The following TRPV5 variants were observed in gnomAD, a reference collection of about 807,000 sequenced individuals.
The protein encoded by TRPV5 is calcium transport protein 2.
TRPV5 carries 66 observed loss-of-function variants against 74.1 expected under a neutral mutation model. That is an observed-to-expected ratio of 0.89 (90% CI 0.73 to 1.09). TRPV5 has a LOEUF of 1.09. TRPV5 is among the 50% of genes least tolerant of loss of function. The pLI is 0.00. For synonymous variants in TRPV5, 399 were observed against 360.7 expected (o/e 1.11, Z -1.20); for missense variants, 936 against 930.4 (o/e 1.01, Z -0.08).
rs1796135362 is a variant in TRPV5, at chr7:142,933,577, C to T, written c.-118G>A. The T allele has an allele frequency of 1.4e-6, 2 of 1,381,672 alleles. No homozygotes were observed. Among genetic ancestry groups the T allele is most frequent in the East Asian group, 2.3e-5 (1 of 43,576 alleles). The allele number at this position is 1,381,672 out of a possible 1,614,324, so 85.6% of individuals were successfully genotyped here. A position where few individuals can be genotyped will look rare whatever the true frequency, so the allele number is the denominator to read the frequency against. The stretch of plus-strand genomic sequence containing the variant: ...TGGGGCTGGGACTCTGAGTTTATCT[C>T]CTGTATGACTTGTGTATGCAGCATG... On this transcript the variant is annotated 5_prime_UTR_variant, in exon 1 of 15. Transcript: ENST00000265310.
At chr7:142,910,188 A>G (rs1042455078) in intron 13 of TRPV5, among the ~76,000 whole-genome samples, 2 of 152,242 alleles carry the variant, frequency 1.3e-5, no homozygotes, top group Non-Finnish European at 2.9e-5. Flanking sequence ...GATATGTAAT[A>G]TGTGGGGCAA....
rs1354951494 is a variant in TRPV5 at position 142,929,028 on chromosome 7, A to G, written c.580T>C (p.Ser194Pro). Residue 194 changes from serine to proline, a missense_variant, in exon 5 of 15, where the codon TCC (serine) becomes CCC (proline). Coordinates refer to ENST00000265310, the MANE Select transcript of TRPV5 (RefSeq NM_019841.7). ...EHGADIRAQD[S>P]LGNTVLHILI... is the part of the protein sequence containing the mutation. ...TCCCCATCCCAGCTCTTACCCAGGGAGTCCTGGGCCCTGATGTCAGCTCCA... is the reference window on the plus strand; with the variant it reads ...TCCCCATCCCAGCTCTTACCCAGGGGGTCCTGGGCCCTGATGTCAGCTCCA... 1 of 1,613,924 alleles carries G rather than the reference A, an allele frequency of 6.2e-7. No homozygotes were observed. Among genetic ancestry groups the G allele is most frequent in the African/African-American group, 1.3e-5 (1 of 74,968 alleles).
At chr7:142,916,402 A>G (rs1795798840) in intron 8 of TRPV5, among the ~76,000 whole-genome samples, 1 of 152,226 alleles carries the variant, frequency 6.6e-6, no homozygotes, top group Non-Finnish European at 1.5e-5. Context: ...TAGTGCTAGA[A>G]TCCTACATTA....
rs1200196827 is a variant in TRPV5 at position 142,914,947 on chromosome 7, C to G, written c.1386G>C (p.Trp462Cys). 1 of 1,614,018 alleles carries G rather than the reference C, an allele frequency of 6.2e-7. No homozygotes were observed. Residue 462 changes from tryptophan (W) to cysteine (C), a missense_variant, in exon 11 of 15, where the codon TGG becomes TGC. By Grantham distance (215) the Trp-to-Cys change is radical. Coordinates refer to ENST00000265310, the MANE Select transcript of TRPV5 (RefSeq NM_019841.7). ...CTCGAGTGAAATACATGACACTGCACCAGCCCAGCACCAGGGCAAAGGACA... is the reference window on the plus strand; with the variant it reads ...CTCGAGTGAAATACATGACACTGCAGCAGCCCAGCACCAGGGCAAAGGACA... ...VPMSFALVLG[W>C]CSVMYFTRGF...
chr7:142,909,728 C>T, intron 13 of TRPV5, 132 bp from the exon 14 acceptor site: 2 of 884,354 alleles, frequency 2.3e-6, no homozygotes, highest in Non-Finnish European at 3.5e-6. Context: ...GTGAGAACAG[C>T]CACCTATTCA....
intron 8 of TRPV5, among the ~76,000 whole-genome samples, chr7:142,917,694 C>T (rs1179679601): frequency 6.6e-6 from 1 of 152,158 alleles, no homozygotes; most frequent in Non-Finnish European, 1.5e-5. Context: ...CAATTTTTTG[C>T]CTCTGCACTG....
At chr7:142,925,464 G>A in intron 8 of TRPV5, 65 bp downstream of exon 8, 1 of 1,561,246 alleles carries the variant, frequency 6.4e-7, no homozygotes, top group Non-Finnish European at 8.8e-7. Context: ...GAGTAGCATG[G>A]CTTCGTTTCC....
At position 142,929,445 on chromosome 7, in the gene TRPV5, C is replaced by A. The variant is rs387907544; in HGVS notation, c.470G>T (p.Arg157Leu). The A allele has an allele frequency of 1.9e-6, 3 of 1,614,100 alleles. No homozygotes were observed. Among genetic ancestry groups the A allele is most frequent in the Admixed American group, 3.3e-5 (2 of 60,024 alleles). Residue 157 changes from arginine to leucine, a missense_variant, in exon 4 of 15, where the codon CGC becomes CTC. Arg to Leu is a moderately radical substitution (Grantham distance 102). Coordinates refer to ENST00000265310, the MANE Select transcript of TRPV5 (RefSeq NM_019841.7). The part of the protein sequence containing the change: ...ATGTAFRHSP[R>L]NLIYFGEHPL... ...GCTCTCACCAAAGTAGATGAGGTTG[C>A]GGGGACTATGGCGGAAGGCAGTGCC...
Position 142,908,366 on chromosome 7 carries a change from T to C in TRPV5, c.*148A>G, listed in dbSNP as rs1382303623. 1.2e-6 allele frequency: 1 copy of C among 837,728 alleles called. No individual in the cohort carries two copies. Among genetic ancestry groups the C allele is most frequent in the East Asian group, 2.7e-5 (1 of 37,406 alleles). The allele number at this position is 837,728 out of a possible 1,614,324, so 51.9% of individuals were successfully genotyped here. ...TTGCCAGAAATTCTGATGTGAAGTG[T>C]GAGGCATGACCCTTTAGGGATTGTT... On this transcript the variant is annotated 3_prime_UTR_variant, in exon 15 of 15. Coordinates refer to ENST00000265310, the MANE Select transcript of TRPV5 (RefSeq NM_019841.7).
rs1389041756 is a variant in TRPV5 at position 142,933,579 on chromosome 7, T to C, written c.-120A>G. On this transcript the variant is annotated 5_prime_UTR_variant, in exon 1 of 15. Coordinates refer to ENST00000265310, the MANE Select transcript of TRPV5 (RefSeq NM_019841.7). ...GGGCTGGGACTCTGAGTTTATCTCC[T>C]GTATGACTTGTGTATGCAGCATGCA... 2.1e-5 allele frequency: 28 copies of C among 1,364,780 alleles called. No homozygotes were observed. In the Admixed American group the frequency reaches 6.0e-4, roughly 29 times the overall value. The allele number at this position is 1,364,780 out of a possible 1,614,324, so 84.5% of individuals were successfully genotyped here. A position where few individuals can be genotyped will look rare whatever the true frequency, so the allele number is the denominator to read the frequency against.
In TRPV5 at chr7:142,912,105, G is replaced by A. The variant is rs192227295; in HGVS notation, c.1788+377C>T. On this transcript the variant is annotated intron_variant, in intron 13 of 14. Transcript: ENST00000265310. ...TCACTTCTAATTCTAATATTTATCA[G>A]TCTATGGTGATATAAAGAAAAGATC... Among the ~76,000 whole-genome samples the A allele has an allele frequency of 4.6e-5, 7 of 152,312 alleles. No homozygotes were observed. The East Asian group carries it at 1.3e-3, about 29-fold the overall frequency.
intron 7 of TRPV5, among the ~76,000 whole-genome samples, chr7:142,927,087 A>G (rs1796002169): frequency 6.6e-6 from 1 of 152,086 alleles, no homozygotes; most frequent in African/African-American, 2.4e-5. Flanking sequence ...TGAATGGTCT[A>G]TACGTTGCTC....
chr7:142,916,468 A>G (rs1223271824), intron 8 of TRPV5, among the ~76,000 whole-genome samples: 5 of 149,978 alleles, frequency 3.3e-5, no homozygotes, highest in Non-Finnish European at 5.9e-5. Flanking sequence ...TAAAAACTGT[A>G]TATCTTCTTT....
intron 6 of TRPV5, 40 bp downstream of exon 6, chr7:142,928,651 T>C: frequency 6.3e-7 from 1 of 1,590,666 alleles, no homozygotes; most frequent in East Asian, 2.3e-5. Context: ...AGGTTGAGGG[T>C]CATTAGAAAG....
intron 7 of TRPV5, among the ~76,000 whole-genome samples, chr7:142,926,091 T>C (rs1246028442): frequency 6.6e-6 from 1 of 152,080 alleles, no homozygotes; most frequent in Non-Finnish European, 1.5e-5. Context: ...TGAGATGTGG[T>C]TGGGGAGAGG....
intron 1 of TRPV5, 67 bp downstream of exon 1, chr7:142,933,265 G>C: frequency 6.3e-7 from 1 of 1,587,266 alleles, no homozygotes; most frequent in Non-Finnish European, 8.6e-7. Flanking sequence ...TCGGAAAGCA[G>C]GCCCAGGTGG....
chr7:142,930,587 C>T (rs544618671), intron 1 of TRPV5, 141 bp from the exon 2 acceptor site: 6 of 688,976 alleles, frequency 8.7e-6, no homozygotes, highest in South Asian at 6.8e-5. Flanking sequence ...GCCTACTGGA[C>T]TCGAATGACC....
At chr7:142,931,972 G>A (rs1796103805) in intron 1 of TRPV5, among the ~76,000 whole-genome samples, 1 of 152,174 alleles carries the variant, frequency 6.6e-6, no homozygotes, top group Admixed American at 6.5e-5. Context: ...AAAGTGCTGG[G>A]ATTACAGGTG....
At chr7:142,921,589 T>G (rs1427490736) in intron 8 of TRPV5, among the ~76,000 whole-genome samples, 1 of 152,096 alleles carries the variant, frequency 6.6e-6, no homozygotes, top group African/African-American at 2.4e-5. Context: ...CAACATTATC[T>G]TTTGCTTGCT....
Sources: gnomAD v4.1 joint callset for allele counts (sites outside exome capture counted in the v4.1 genomes callset) on GRCh38, gnomAD v4.1.1 for gene constraint, MANE v1.5 for transcripts, NCBI Gene and HGNC (gene_info 2026-07-23, HGNC 2026-07-21) for gene names.